Variants in HEBP1 observed in about 807,000 individuals in gnomAD.
HEBP1 encodes the protein heme-binding protein 1.
Under a neutral mutation model 20.4 loss-of-function variants are expected in HEBP1, and 13 were observed. That is an observed-to-expected ratio of 0.64 (90% confidence interval 0.42 to 1.01). The LOEUF (loss-of-function observed/expected upper bound fraction) is 1.01. Among genes scored for constraint, HEBP1 ranks in the 50% least tolerant of loss-of-function variants. The pLI is 0.00. For missense variants in HEBP1, 241 were observed against 247.3 expected (o/e 0.97, Z 0.17); for synonymous variants, 92 against 90.7 (o/e 1.01, Z -0.08).
intron 3 of HEBP1, chr12:12,983,684 C>A (rs1292244903): frequency 4.4e-6 from 2 of 455,838 alleles, no homozygotes; most frequent in East Asian, 6.9e-5. Flanking sequence ...GTGAGAACTC[C>A]GTGTTAAAAA....
Position 12,994,396 on chromosome 12 carries a change from T to A in HEBP1, c.79-4981A>T, listed in dbSNP as rs148394663. On this transcript the variant is annotated intron_variant, in intron 1 of 3. Coordinates refer to ENST00000014930, the MANE Select transcript of HEBP1 (RefSeq NM_015987.5). ...AGCCAGTTCATCTACTCTAAATTAG[T>A]TCAACTGACATTTGTGACCTAAACA... Among the ~76,000 whole-genome samples, 14 of 152,328 alleles carry A rather than the reference T, an allele frequency of 9.2e-5. No individual in the cohort carries two copies. In the East Asian group the frequency reaches 2.1e-3, roughly 23 times the overall value.
intron 3 of HEBP1, among the ~76,000 whole-genome samples, chr12:12,981,974 T>C (rs762091265): frequency 2.0e-5 from 3 of 152,166 alleles, no homozygotes; most frequent in Non-Finnish European, 2.9e-5. Context: ...TGTTCATGTA[T>C]CCATTCACCA....
chr12:12,993,166 CCT>C (rs1208887408), intron 1 of HEBP1, among the ~76,000 whole-genome samples: 4 of 90,758 alleles, frequency 4.4e-5, no homozygotes, highest in African/African-American at 2.0e-4. Flanking sequence ...TTCCTTCCTT[CCT>C]CTCTCTCTCT....
rs115081605 is a variant in HEBP1 at position 12,996,918 on chromosome 12, A to G, written c.78+3119T>C. On this transcript the variant is annotated intron_variant, in intron 1 of 3. Transcript: ENST00000014930. This position sits in a 1 kb window ranked among gnomAD's most constrained non-coding sequence, Gnocchi z 4.1. ...TATTTTCTTCCACAATTAGCTTCAG[A>G]GGGGCTAAGTTGGCCTGTGACCACA... 0.015 allele frequency among the ~76,000 whole-genome samples: 2,311 copies of G among 152,334 alleles called. 46 individuals are homozygous for G. The highest frequency in any genetic ancestry group is 0.053 in the African/African-American group (2,184 of 41,564).
chr12:12,999,486 C>A (rs1864328497), intron 1 of HEBP1, among the ~76,000 whole-genome samples: 1 of 152,214 alleles, frequency 6.6e-6, no homozygotes, highest in South Asian at 2.1e-4. Flanking sequence ...GACAAAGGGG[C>A]ATTCCGGTCC....
At position 12,987,139 on chromosome 12, in the gene HEBP1, A is replaced by G; in HGVS notation, c.398+13T>C. On this transcript the variant is annotated intron_variant, in intron 3 of 3. Transcript: ENST00000014930. ...AGCGCCACCCATGGATGCCTGAAGG[A>G]TTGTCTCCTTACATGGAATAGACAG... 3 of 1,609,278 alleles carry G rather than the reference A, an allele frequency of 1.9e-6. No homozygotes were observed. Among genetic ancestry groups the G allele is most frequent in the African/African-American group, 2.7e-5 (2 of 74,916 alleles).
At chr12:12,992,188 C>G (rs1363985944) in intron 1 of HEBP1, among the ~76,000 whole-genome samples, 1 of 152,062 alleles carries the variant, frequency 6.6e-6, no homozygotes, top group Non-Finnish European at 1.5e-5. Context: ...CAAGTGTAGT[C>G]TCAATGAGCA....
chr12:12,995,897 C>T (rs1480749829), intron 1 of HEBP1, among the ~76,000 whole-genome samples: 2 of 152,182 alleles, frequency 1.3e-5, no homozygotes, highest in African/African-American at 2.4e-5. Context: ...CAATTTTCAA[C>T]ATTCAGTGGG....
Position 12,986,267 on chromosome 12 carries a change from G to C in HEBP1, c.398+885C>G, listed in dbSNP as rs1266853045. ...CACAGCGGTGAAACTCACATTCTCAGAACATTGACACAGCTCCGGGGAAAA... is the reference window on the plus strand; with the variant it reads ...CACAGCGGTGAAACTCACATTCTCACAACATTGACACAGCTCCGGGGAAAA... On this transcript the variant is annotated intron_variant, in intron 3 of 3. Transcript: ENST00000014930. The surrounding 1 kb of genome is among the most constrained non-coding windows in gnomAD (Gnocchi z 4.3). The C allele has an allele frequency of 2.0e-5, 3 of 152,338 alleles. No homozygotes were observed. The highest frequency in any genetic ancestry group is 4.4e-5 in the Non-Finnish European group (3 of 68,120). 9.4% of individuals were successfully genotyped at this position (152,338 alleles called of 1,614,324 possible).
At chr12:12,980,536 T>TAA (rs1438819663) in intron 3 of HEBP1, 18 of 152,406 alleles carry the variant, frequency 1.2e-4, no homozygotes, top group Admixed American at 9.1e-4. Flanking sequence ...TGTTTGGAAA[T>TAA]ACAATATCTC....
intron 3 of HEBP1, among the ~76,000 whole-genome samples, chr12:12,976,073 G>A (rs1456961737): frequency 1.2e-5 from 1 of 80,058 alleles, no homozygotes; most frequent in Non-Finnish European, 2.8e-5. Context: ...ACAAGACCCT[G>A]TGTCAAAAAA....
chr12:12,979,503 T>A (rs1242594052), intron 3 of HEBP1: 1 of 152,372 alleles, frequency 6.6e-6, no homozygotes, highest in East Asian at 1.9e-4. Context: ...TAGCTCTGGC[T>A]GACTCTGCTT....
chr12:12,982,481 C>T (rs1864099481), intron 3 of HEBP1, among the ~76,000 whole-genome samples: 1 of 152,080 alleles, frequency 6.6e-6, no homozygotes, highest in Non-Finnish European at 1.5e-5. Flanking sequence ...ATGTGGGAAC[C>T]CCCTAAGAGT....
At chr12:12,997,328 G>C (rs896046202) in intron 1 of HEBP1, among the ~76,000 whole-genome samples, 2 of 152,194 alleles carry the variant, frequency 1.3e-5, no homozygotes, top group African/African-American at 4.8e-5. Flanking sequence ...TTCGATGCAA[G>C]GGATTGGTTG....
intron 2 of HEBP1, among the ~76,000 whole-genome samples, chr12:12,987,963 A>G (rs1395107039): frequency 6.6e-6 from 1 of 152,166 alleles, no homozygotes; most frequent in Non-Finnish European, 1.5e-5. Context: ...TATTTAAAAC[A>G]TCAATCTAAA....
At chr12:12,992,014 A>T (rs1864230252) in intron 1 of HEBP1, among the ~76,000 whole-genome samples, 1 of 152,246 alleles carries the variant, frequency 6.6e-6, no homozygotes, top group East Asian at 1.9e-4. Flanking sequence ...AACAATGATT[A>T]TGAAAAACAG....
chr12:12,981,679 A>G (rs948623806), intron 3 of HEBP1, among the ~76,000 whole-genome samples: 2 of 152,192 alleles, frequency 1.3e-5, no homozygotes, highest in Non-Finnish European at 2.9e-5. Context: ...TTACCTCATG[A>G]CGTCCATTTT....
At chr12:12,978,861 T>C (rs1373536479) in intron 3 of HEBP1, 1 of 152,168 alleles carries the variant, frequency 6.6e-6, no homozygotes, top group Non-Finnish European at 1.5e-5. Context: ...GGCATATGAA[T>C]ATTAAGGGCC....
rs1410079606 is a variant in HEBP1, at chr12:13,000,028, C to T, written c.78+9G>A. On this transcript the variant is annotated intron_variant, in intron 1 of 3. Coordinates refer to ENST00000014930, the MANE Select transcript of HEBP1 (RefSeq NM_015987.5). The stretch of plus-strand genomic sequence containing the variant: ...ATCCTTCAGGTCCTCGGCAGCCCTG[C>T]GGGCCTACCTTGTCCCCTTTGCTTA... 1.3e-6 allele frequency: 2 copies of T among 1,599,756 alleles called. No individual in the cohort carries two copies. Among genetic ancestry groups the T allele is most frequent in the East Asian group, 2.2e-5 (1 of 44,490 alleles).
Sources: allele counts gnomAD v4.1 joint callset (sites outside exome capture counted in the v4.1 genomes callset), GRCh38; gene constraint gnomAD v4.1.1; non-coding constraint Gnocchi (gnomAD v3.1); transcripts MANE v1.5; gene names NCBI Gene and HGNC (gene_info 2026-07-23, HGNC 2026-07-21).